Variants in MOV10 observed in about 807,000 individuals in gnomAD.
MOV10 encodes RNA helicase MOV-10.
Under a neutral mutation model 108.4 loss-of-function variants are expected in MOV10, and 39 were observed. That is an observed-to-expected ratio of 0.36 (90% CI 0.28 to 0.47). MOV10 has a LOEUF of 0.47. Ranked by LOEUF, MOV10 falls within the 20% of genes least tolerant of loss-of-function variation. MOV10 has a pLI of 1.00. For synonymous variants in MOV10, 490 were observed against 523.1 expected (o/e 0.94, Z 0.86); for missense variants, 952 against 1,297.6 (o/e 0.73, Z 4.09).
At position 112,696,141 on chromosome 1, in the gene MOV10, T is replaced by A. The variant is rs761485585; in HGVS notation, c.1780-7T>A. Reference sequence around the variant, plus strand: ...GCTGATTCCTCTGGTCCCTTCACAATCCACAGCCCTGCTGCAACTGGGACG... The same window carrying A: ...GCTGATTCCTCTGGTCCCTTCACAAACCACAGCCCTGCTGCAACTGGGACG... On this transcript the variant is annotated splice_polypyrimidine_tract_variant and splice_region_variant and intron_variant, in intron 11 of 20. Coordinates refer to ENST00000369645, the MANE Select transcript of MOV10 (RefSeq NM_001321324.2). 1.9e-6 allele frequency: 3 copies of A among 1,606,298 alleles called. No individual in the cohort carries two copies. The highest frequency in any genetic ancestry group is 2.6e-6 in the Non-Finnish European group (3 of 1,174,622).
chr1:112,695,152 G>A (rs1401998170), intron 10 of MOV10, among the ~76,000 whole-genome samples: 1 of 152,088 alleles, frequency 6.6e-6, no homozygotes, highest in African/African-American at 2.4e-5. Flanking sequence ...AAATAGCTGG[G>A]CACTTGAGGC....
chr1:112,676,993 A>G (rs1298794061), intron 2 of MOV10, among the ~76,000 whole-genome samples: 1 of 152,212 alleles, frequency 6.6e-6, no homozygotes, highest in Non-Finnish European at 1.5e-5. Context: ...TATACTGTAT[A>G]TTATGGGTGA....
chr1:112,697,861 G>C (rs1296897432), intron 14 of MOV10, 133 bp from the exon 15 acceptor site: 2 of 718,380 alleles, frequency 2.8e-6, no homozygotes, highest in African/African-American at 3.5e-5. Context: ...TATTATGGAG[G>C]AGTGTCCTGC....
At position 112,689,860 on chromosome 1, in the gene MOV10, G is replaced by A. The variant is rs1481156620; in HGVS notation, c.598G>A (p.Val200Ile). The A allele has an allele frequency of 1.2e-6, 2 of 1,614,166 alleles. No individual in the cohort carries two copies. Among genetic ancestry groups the A allele is most frequent in the African/African-American group, 2.7e-5 (2 of 75,036 alleles). ...LGPGECYELH[V>I]HCKTSFVGYF... ...TCCAGGTGAATGCTATGAACTCCAT[G>A]TCCATTGTAAGACCAGCTTTGTGGG... Residue 200 changes from valine to isoleucine, a missense_variant, in exon 5 of 21, where the codon GTC (valine) becomes ATC (isoleucine). Transcript: ENST00000369645.
intron 2 of MOV10, among the ~76,000 whole-genome samples, chr1:112,684,538 G>T (rs1281811985): frequency 6.6e-6 from 1 of 152,182 alleles, no homozygotes; most frequent in Non-Finnish European, 1.5e-5. Context: ...AAAGTGCTGG[G>T]ATTACAGGCG....
chr1:112,679,998 T>A (rs1027782420), intron 2 of MOV10, among the ~76,000 whole-genome samples: 4 of 152,136 alleles, frequency 2.6e-5, no homozygotes, highest in Non-Finnish European at 4.4e-5. Flanking sequence ...CAAGGGTTTG[T>A]GTGCAAGGAT....
In MOV10 at chr1:112,690,753, A is replaced by G. The variant is rs1673508672; in HGVS notation, c.836+655A>G. Among the ~76,000 whole-genome samples the G allele has an allele frequency of 2.0e-5, 3 of 152,242 alleles. No individual in the cohort carries two copies. In the South Asian group the frequency reaches 6.2e-4, roughly 32 times the overall value. ...TACACAATTCAGTAATTTTTTTAGT[A>G]TATTCACAAATATGTGACACTATCA... is the stretch of plus-strand genomic sequence containing the variant. On this transcript the variant is annotated intron_variant, in intron 5 of 20. Coordinates refer to ENST00000369645, the MANE Select transcript of MOV10 (RefSeq NM_001321324.2).
chr1:112,696,577 G>A (rs758376572), intron 13 of MOV10, 43 bp downstream of exon 13: 3 of 1,611,386 alleles, frequency 1.9e-6, no homozygotes, highest in African/African-American at 1.3e-5. Context: ...CCCTGTGTGG[G>A]TCAGAGAGGT....
chr1:112,685,563 G>A (rs1247660850), intron 2 of MOV10, among the ~76,000 whole-genome samples: 1 of 151,724 alleles, frequency 6.6e-6, no homozygotes, highest in Non-Finnish European at 1.5e-5. Context: ...GCTGAGGCAG[G>A]AGACTCACTT....
intron 2 of MOV10, among the ~76,000 whole-genome samples, chr1:112,680,705 CTCTT>C (rs1375319171): frequency 1.7e-5 from 2 of 120,874 alleles, no homozygotes; most frequent in South Asian, 3.0e-4. Context: ...TTTCATTTAT[CTCTT>C]TTTTTTTTTT....
chr1:112,680,382 C>T (rs757316035), intron 2 of MOV10, among the ~76,000 whole-genome samples: 6 of 152,022 alleles, frequency 3.9e-5, no homozygotes, highest in Admixed American at 6.6e-5. Flanking sequence ...TTGGGCCGGG[C>T]GCGGTGGCTC....
In MOV10 at chr1:112,691,677, T is replaced by C. The variant is rs1225261540; in HGVS notation, c.849T>C (p.Tyr283=). ...EGERPDRAKG[Y]DLELSMALGT... ...CTCGATTCTGCAGCGCTAAGGGCTA[T>C]GACCTGGAGTTAAGTATGGCGCTGG... The change falls in exon 6 of 21, where the codon TAT becomes TAC. Residue 283 remains tyrosine (Y), a synonymous_variant. Transcript: ENST00000369645. 4 of 1,614,040 alleles carry C rather than the reference T, an allele frequency of 2.5e-6. No homozygotes were observed. The highest frequency in any genetic ancestry group is 2.5e-6 in the Non-Finnish European group (3 of 1,180,042).
intron 2 of MOV10, among the ~76,000 whole-genome samples, chr1:112,680,793 C>T (rs1672587329): frequency 6.8e-6 from 1 of 146,262 alleles, no homozygotes; most frequent in African/African-American, 2.5e-5. Flanking sequence ...ACCTCCACCT[C>T]TCGGGTTCAA....
chr1:112,689,072 G>A lies in MOV10; in HGVS notation c.275G>A (p.Arg92Lys). 6.2e-7 allele frequency: 1 copy of A among 1,612,488 alleles called. No homozygotes were observed. Among genetic ancestry groups the A allele is most frequent in the Non-Finnish European group, 8.5e-7 (1 of 1,180,014 alleles). ...WADVRFPEKR[R>K]MKLGSDISKH... is the part of the protein sequence containing the mutation. ...GACGTGCGGTTCCCAGAAAAGAGGA[G>A]AATGAAGCTGGGGTCAGATATCAGC... The change falls in exon 3 of 21, where the codon AGA (arginine) becomes AAA (lysine). Residue 92 changes from arginine (R) to lysine (K), a missense_variant. Arg to Lys is a conservative substitution (Grantham distance 26). Transcript: ENST00000369645.
chr1:112,694,574 C>A lies in MOV10; in HGVS notation c.1417C>A (p.Leu473Ile). The change falls in exon 9 of 21, where the codon CTC (leucine) becomes ATC (isoleucine). Residue 473 changes from leucine (L) to isoleucine (I), a missense_variant. Coordinates refer to ENST00000369645, the MANE Select transcript of MOV10 (RefSeq NM_001321324.2). This position sits in a 1 kb window ranked among gnomAD's most constrained non-coding sequence, Gnocchi z 4.1. ...LTGRWLLWPM[L>I]FPVAPRDVPL... ...AGGGCGCTGGCTGCTGTGGCCCATG[C>A]TCTTTCCTGTGGCACCTCGGGACGT... 6.2e-7 allele frequency: 1 copy of A among 1,613,642 alleles called. No homozygotes were observed. Among genetic ancestry groups the A allele is most frequent in the East Asian group, 2.2e-5 (1 of 44,870 alleles).
intron 2 of MOV10, among the ~76,000 whole-genome samples, chr1:112,681,656 C>T (rs188789915): frequency 1.3e-5 from 2 of 152,178 alleles, no homozygotes; most frequent in Admixed American, 1.3e-4. Context: ...AATGAATCTA[C>T]AGTGAACATC....
intron 2 of MOV10, among the ~76,000 whole-genome samples, chr1:112,679,201 G>A (rs1215635723): frequency 6.6e-6 from 1 of 152,050 alleles, no homozygotes; most frequent in East Asian, 1.9e-4. Context: ...CAAACAGCAG[G>A]GGCGGCCTAA....
intron 5 of MOV10, among the ~76,000 whole-genome samples, chr1:112,690,829 T>C (rs989021159): frequency 3.3e-5 from 5 of 152,238 alleles, no homozygotes; most frequent in Non-Finnish European, 5.9e-5. Context: ...ATCACCCTTT[T>C]ATCCTCCACC....
chr1:112,699,510 T>A, intron 17 of MOV10, 175 bp from the exon 18 acceptor site: 1 of 1,446,572 alleles, frequency 6.9e-7, no homozygotes, highest in Non-Finnish European at 9.1e-7. Flanking sequence ...TGTTTCAGCT[T>A]CCACAGCCTA....
Sources: allele counts gnomAD v4.1 joint callset (sites outside exome capture counted in the v4.1 genomes callset), GRCh38; gene constraint gnomAD v4.1.1; non-coding constraint Gnocchi (gnomAD v3.1); transcripts MANE v1.5; gene names NCBI Gene and HGNC (gene_info 2026-07-23, HGNC 2026-07-21).